Variants in CAT observed in about 807,000 individuals in gnomAD.
The protein encoded by CAT is catalase.
A neutral mutation model predicts 59.0 loss-of-function variants in CAT; 43 were observed. That is an observed-to-expected ratio of 0.73 (90% CI 0.57 to 0.94). The LOEUF is 0.94. Ranked by LOEUF, CAT falls within the 40% of genes least tolerant of loss-of-function variation. The probability of loss-of-function intolerance (pLI) is 0.00; values close to 1 mark genes in which losing one functional copy is unlikely to be tolerated. For missense variants in CAT, 664 were observed against 682.9 expected, an observed-to-expected ratio of 0.97 and a Z score of 0.31; for synonymous variants, 218 against 230.9, an observed-to-expected ratio of 0.94 and a Z score of 0.51.
At chr11:34,452,258 ATTTCAAATAGG>A in intron 4 of CAT, 51 bp downstream of exon 4, 1 of 1,573,008 alleles carries the variant, frequency 6.4e-7, no homozygotes, top group Non-Finnish European at 8.8e-7. Flanking sequence ...ACTTAAATTG[ATTTCAAATAGG>A]TTGGCATTTG....
intron 1 of CAT, among the ~76,000 whole-genome samples, chr11:34,446,578 G>C (rs911141221): frequency 1.3e-5 from 2 of 152,140 alleles, no homozygotes; most frequent in African/African-American, 4.8e-5. Flanking sequence ...CCCTGACCCG[G>C]TAACCAGAAG....
At chr11:34,449,615 A>G (rs1856498967) in intron 2 of CAT, among the ~76,000 whole-genome samples, 1 of 152,256 alleles carries the variant, frequency 6.6e-6, no homozygotes, top group Admixed American at 6.5e-5. Flanking sequence ...GAATAAAAAT[A>G]CAATAAGTCC....
chr11:34,465,514 A>G (rs2133858903), intron 10 of CAT, among the ~76,000 whole-genome samples: 1 of 152,334 alleles, frequency 6.6e-6, no homozygotes, highest in African/African-American at 2.4e-5. Context: ...AGGTCAATAC[A>G]GGTATTAAAC....
At chr11:34,442,333 T>G (rs1165190504) in intron 1 of CAT, among the ~76,000 whole-genome samples, 1 of 152,178 alleles carries the variant, frequency 6.6e-6, no homozygotes, top group Non-Finnish European at 1.5e-5. Context: ...CCGGGTGCAG[T>G]GACTCACACC....
chr11:34,451,167 T>A, intron 3 of CAT, 69 bp downstream of exon 3: 2 of 946,578 alleles, frequency 2.1e-6, no homozygotes, highest in Non-Finnish European at 3.5e-6. Context: ...GTTTATAACT[T>A]AAAGAAAAAG....
intron 1 of CAT, among the ~76,000 whole-genome samples, chr11:34,443,816 A>G (rs948130517): frequency 1.3e-5 from 2 of 152,156 alleles, no homozygotes; most frequent in African/African-American, 2.4e-5. Context: ...AATCCTGGTA[A>G]TAACTGCATT....
chr11:34,458,085 A>T (rs1271257419), intron 8 of CAT, among the ~76,000 whole-genome samples: 15 of 152,242 alleles, frequency 9.9e-5, no homozygotes, highest in Admixed American at 6.5e-5. Context: ...GTGATCCAGA[A>T]AGCAAAATTT....
In CAT at chr11:34,461,393, G is replaced by T; in HGVS notation, c.1195+4G>T. ...ATGTGCATGCAGGACAATCAGGGTA[G>T]GCCTAAAGACGTTGGGCTCCCCCTG... On this transcript the variant is annotated splice_donor_region_variant and intron_variant, in intron 9 of 12. Transcript: ENST00000241052. 6.2e-7 allele frequency: 1 copy of T among 1,614,214 alleles called. No individual in the cohort carries two copies. The highest frequency in any genetic ancestry group is 1.3e-5 in the African/African-American group (1 of 75,062).
At chr11:34,469,946 G>A (rs899629238) in intron 11 of CAT, among the ~76,000 whole-genome samples, 49 of 152,136 alleles carry the variant, frequency 3.2e-4, no homozygotes, top group African/African-American at 1.1e-3. Context: ...GATTTCGGGC[G>A]TGAGCCACTG....
At chr11:34,445,307 A>G (rs928267721) in intron 1 of CAT, among the ~76,000 whole-genome samples, 5 of 151,838 alleles carry the variant, frequency 3.3e-5, no homozygotes, top group Non-Finnish European at 5.9e-5. Context: ...AGCCTGGCCA[A>G]CATGATGGAA....
intron 3 of CAT, among the ~76,000 whole-genome samples, chr11:34,451,604 A>G (rs1413401462): frequency 6.6e-6 from 1 of 152,228 alleles, no homozygotes; most frequent in Non-Finnish European, 1.5e-5. Flanking sequence ...GTGCTTCACT[A>G]GTTCCGTTTC....
intron 3 of CAT, among the ~76,000 whole-genome samples, chr11:34,451,484 G>A (rs1205354200): frequency 6.6e-6 from 1 of 152,198 alleles, no homozygotes; most frequent in Non-Finnish European, 1.5e-5. Context: ...TCTCTGATTT[G>A]TAGATCTACT....
At chr11:34,439,753 C>T (rs1388072279) in intron 1 of CAT, among the ~76,000 whole-genome samples, 1 of 152,134 alleles carries the variant, frequency 6.6e-6, no homozygotes, top group Admixed American at 6.5e-5. Flanking sequence ...TGTACAAATT[C>T]CAGTGCGGCA....
chr11:34,448,309 G>A (rs566085680), intron 1 of CAT, among the ~76,000 whole-genome samples: 10 of 152,184 alleles, frequency 6.6e-5, no homozygotes, highest in Non-Finnish European at 1.3e-4. Context: ...GGTGGAGGTG[G>A]CGTAGCTTTG....
At chr11:34,450,015 A>G (rs1343791380) in intron 2 of CAT, among the ~76,000 whole-genome samples, 1 of 152,208 alleles carries the variant, frequency 6.6e-6, no homozygotes, top group Non-Finnish European at 1.5e-5. Flanking sequence ...TAACACGCAC[A>G]TCTTTGGGAT....
chr11:34,459,844 T>G (rs1169968825), intron 8 of CAT, among the ~76,000 whole-genome samples: 1 of 152,230 alleles, frequency 6.6e-6, no homozygotes, highest in African/African-American at 2.4e-5. Context: ...AGAGCACAAC[T>G]TTTTGAGCCA....
chr11:34,457,616 C>G (rs1856606708), intron 8 of CAT, among the ~76,000 whole-genome samples: 1 of 152,182 alleles, frequency 6.6e-6, no homozygotes, highest in African/African-American at 2.4e-5. Flanking sequence ...AGTGGATTAA[C>G]CATTCACCTT....
intron 9 of CAT, among the ~76,000 whole-genome samples, chr11:34,461,968 A>G (rs1200645592): frequency 1.3e-5 from 2 of 152,228 alleles, no homozygotes; most frequent in African/African-American, 4.8e-5. Flanking sequence ...CTAAGTGAAT[A>G]AAGTTAGGTG....
chr11:34,464,589 C>T (rs1856691941), intron 10 of CAT, among the ~76,000 whole-genome samples: 1 of 152,102 alleles, frequency 6.6e-6, no homozygotes, highest in South Asian at 2.1e-4. Flanking sequence ...AGTCCAGGTT[C>T]AAGGACTAGA....
Sources: allele counts gnomAD v4.1 joint callset (sites outside exome capture counted in the v4.1 genomes callset), GRCh38; gene constraint gnomAD v4.1.1; transcripts MANE v1.5; gene names NCBI Gene and HGNC (gene_info 2026-07-23, HGNC 2026-07-21).